PDGFC: variants seen among roughly 807,000 people sequenced by gnomAD.
The protein encoded by PDGFC is platelet-derived growth factor C.
A neutral mutation model predicts 35.5 loss-of-function variants in PDGFC; 12 were observed. The observed-to-expected ratio is 0.34, with a 90% CI of 0.22 to 0.55. The LOEUF is 0.55. Among genes scored for constraint, PDGFC ranks in the 20% least tolerant of loss-of-function variants. The pLI is 0.91. For missense variants in PDGFC, 322 were observed against 412.4 expected (o/e 0.78, Z 1.90); for synonymous variants, 159 against 148.8 (o/e 1.07, Z -0.50).
intron 1 of PDGFC, among the ~76,000 whole-genome samples, chr4:156,958,601 T>C (rs1732267153): frequency 6.6e-6 from 1 of 152,100 alleles, no homozygotes; most frequent in South Asian, 2.1e-4. Flanking sequence ...ATAAATGTTA[T>C]GGTATCAACA....
chr4:156,944,524 C>T (rs1195920207), intron 1 of PDGFC, among the ~76,000 whole-genome samples: 1 of 152,110 alleles, frequency 6.6e-6, no homozygotes, highest in Non-Finnish European at 1.5e-5. Context: ...CTTTCACCAT[C>T]ACAATCAATT....
rs575214547 is a variant in PDGFC, at chr4:156,826,026, G to A, written c.315-15009C>T. ...TGGGACTACAGGTACACACTACCAG[G>A]CCAGGTTAATTTTTCAAATTTTTTT... On this transcript the variant is annotated intron_variant, in intron 2 of 5. Coordinates refer to ENST00000502773, the MANE Select transcript of PDGFC (RefSeq NM_016205.3). Among the ~76,000 whole-genome samples, 89 of 151,024 alleles carry A rather than the reference G, an allele frequency of 5.9e-4. 2 individuals carry two copies. Among genetic ancestry groups the A allele is most frequent in the Admixed American group, 5.0e-3 (75 of 15,150 alleles).
intron 3 of PDGFC, among the ~76,000 whole-genome samples, chr4:156,780,112 T>TTTG (rs1730937682): frequency 6.6e-6 from 1 of 151,088 alleles, no homozygotes; most frequent in Non-Finnish European, 1.5e-5. Context: ...TTAAGGTTTT[T>TTTG]TTTTTTTTTT....
chr4:156,850,331 T>G lies in PDGFC; in HGVS notation c.204A>C (p.Pro68=). Residue 68 remains proline (P), a synonymous_variant, in exon 2 of 6, where the codon CCA becomes CCC. Coordinates refer to ENST00000502773, the MANE Select transcript of PDGFC (RefSeq NM_016205.3). ...ATCTCCATACCAAGACCGTATTTCT[T>G]GGATAAGTATGAGGAAACCTTGGGC... is the stretch of plus-strand genomic sequence containing the variant. ...IHSPRFPHTY[P]RNTVLVWRLV... 3 of 1,609,372 alleles carry G rather than the reference T, an allele frequency of 1.9e-6. No individual in the cohort carries two copies. The highest frequency in any genetic ancestry group is 2.6e-6 in the Non-Finnish European group (3 of 1,176,388).
chr4:156,873,729 T>C (rs1201949739), intron 1 of PDGFC, among the ~76,000 whole-genome samples: 1 of 152,208 alleles, frequency 6.6e-6, no homozygotes, highest in Admixed American at 6.5e-5. Context: ...CCAGGGCTAA[T>C]GTGTTCATTG....
chr4:156,968,131 T>C (rs1327688239), intron 1 of PDGFC, among the ~76,000 whole-genome samples: 1 of 152,154 alleles, frequency 6.6e-6, no homozygotes, highest in Non-Finnish European at 1.5e-5. Flanking sequence ...AATTTCCAAT[T>C]CTACCTCCTC....
At chr4:156,786,879 G>A (rs1006244228) in intron 3 of PDGFC, among the ~76,000 whole-genome samples, 2 of 152,190 alleles carry the variant, frequency 1.3e-5, no homozygotes, top group Non-Finnish European at 2.9e-5. Context: ...TCTGCCTTAT[G>A]TTTAAAAGGA....
chr4:156,824,433 C>G (rs1356795247), intron 2 of PDGFC, among the ~76,000 whole-genome samples: 1 of 150,956 alleles, frequency 6.6e-6, no homozygotes, highest in East Asian at 2.0e-4. Context: ...TATATATACA[C>G]GTTTACCATA....
chr4:156,860,082 A>G (rs1176171434), intron 1 of PDGFC, among the ~76,000 whole-genome samples: 1 of 152,196 alleles, frequency 6.6e-6, no homozygotes, highest in East Asian at 1.9e-4. Context: ...TAAATTTGAG[A>G]AGACATATGC....
intron 1 of PDGFC, among the ~76,000 whole-genome samples, chr4:156,931,961 T>C (rs1312007199): frequency 6.6e-6 from 1 of 152,268 alleles, no homozygotes; most frequent in Non-Finnish European, 1.5e-5. Flanking sequence ...TTAAAGAGCA[T>C]CTGCAATACT....
chr4:156,923,969 C>G (rs910822159), intron 1 of PDGFC, among the ~76,000 whole-genome samples: 3 of 152,120 alleles, frequency 2.0e-5, no homozygotes, highest in Non-Finnish European at 2.9e-5. Flanking sequence ...AAAAAGACTG[C>G]CACTGGGAAT....
chr4:156,844,524 T>A (rs186523165), intron 2 of PDGFC, among the ~76,000 whole-genome samples: 5 of 152,206 alleles, frequency 3.3e-5, no homozygotes, highest in Admixed American at 3.3e-4. Flanking sequence ...ATTTTTTTAA[T>A]GCTACTCATG....
intron 1 of PDGFC, among the ~76,000 whole-genome samples, chr4:156,932,264 T>A (rs573693971): frequency 2.0e-5 from 3 of 152,100 alleles, no homozygotes; most frequent in African/African-American, 7.2e-5. Context: ...TTAAAGGAAG[T>A]ATAAACTCAG....
chr4:156,822,612 T>G (rs963028112), intron 2 of PDGFC, among the ~76,000 whole-genome samples: 4 of 152,114 alleles, frequency 2.6e-5, no homozygotes, highest in African/African-American at 9.7e-5. Flanking sequence ...TCATCCAGTC[T>G]TCAAACACAG....
chr4:156,868,375 A>C (rs910210682), intron 1 of PDGFC, among the ~76,000 whole-genome samples: 1 of 152,168 alleles, frequency 6.6e-6, no homozygotes, highest in African/African-American at 2.4e-5. Flanking sequence ...TTAGTGCTGG[A>C]AAAATAAATT....
intron 1 of PDGFC, among the ~76,000 whole-genome samples, chr4:156,922,516 C>A (rs1413120574): frequency 1.3e-5 from 2 of 152,134 alleles, no homozygotes; most frequent in Non-Finnish European, 2.9e-5. Flanking sequence ...GGGCAGAGTG[C>A]CCTCTAGTAT....
intron 3 of PDGFC, among the ~76,000 whole-genome samples, chr4:156,783,752 TC>T (rs1324641940): frequency 2.6e-5 from 4 of 152,184 alleles, no homozygotes. Context: ...TATTTTGATC[TC>T]CAATAGTATT....
rs893855121 is a variant in PDGFC, at chr4:156,943,597, T to C, written c.118+27189A>G. 4.6e-5 allele frequency among the ~76,000 whole-genome samples: 7 copies of C among 152,220 alleles called. No individual in the cohort carries two copies. In the East Asian group the frequency reaches 1.4e-3, roughly 29 times the overall value. ...CATTGGAGTGTTTTATTGGCCTCCC[T>C]GCATCAAACCTTTTTTTTTCACTCG... On this transcript the variant is annotated intron_variant, in intron 1 of 5. Coordinates refer to ENST00000502773, the MANE Select transcript of PDGFC (RefSeq NM_016205.3).
At chr4:156,812,887 T>C (rs1731977250) in intron 2 of PDGFC, among the ~76,000 whole-genome samples, 1 of 152,096 alleles carries the variant, frequency 6.6e-6, no homozygotes, top group Admixed American at 6.6e-5. Context: ...GCACACCTAC[T>C]TTTTAACATA....
Sources: gnomAD v4.1 joint callset for allele counts (sites outside exome capture counted in the v4.1 genomes callset) on GRCh38, gnomAD v4.1.1 for gene constraint, MANE v1.5 for transcripts, NCBI Gene and HGNC (gene_info 2026-07-23, HGNC 2026-07-21) for gene names.